CLYBL: variants seen among roughly 807,000 people sequenced by gnomAD.
CLYBL encodes the protein citramalyl-CoA lyase, mitochondrial.
In CLYBL, 31 loss-of-function variants were observed where a neutral mutation model predicts 38.9. The observed-to-expected ratio is 0.80, with a 90% CI of 0.60 to 1.08. The LOEUF is 1.08. Ranked by LOEUF, CLYBL falls within the 50% of genes least tolerant of loss-of-function variation. CLYBL has a pLI of 0.00. For missense variants in CLYBL, 434 were observed against 411.6 expected (o/e 1.05, Z -0.47); for synonymous variants, 171 against 158.6 (o/e 1.08, Z -0.59).
intron 3 of CLYBL, among the ~76,000 whole-genome samples, chr13:99,860,660 A>G (rs751380943): frequency 5.3e-5 from 8 of 152,244 alleles, no homozygotes; most frequent in Non-Finnish European, 8.8e-5. Flanking sequence ...GCCTTCCGCT[A>G]TGGCTTCTGT....
chr13:99,718,558 G>T (rs1040002762), intron 1 of CLYBL, among the ~76,000 whole-genome samples: 1 of 152,022 alleles, frequency 6.6e-6, no homozygotes, highest in Non-Finnish European at 1.5e-5. Flanking sequence ...TCCTGGACTC[G>T]TGTCTATGAG....
chr13:99,729,587 T>C (rs1277410927), intron 1 of CLYBL, among the ~76,000 whole-genome samples: 1 of 152,046 alleles, frequency 6.6e-6, no homozygotes, highest in Non-Finnish European at 1.5e-5. Context: ...TCATCACTGC[T>C]CTCCACCCTC....
At chr13:99,640,311 G>T (rs2047075339) in intron 1 of CLYBL, among the ~76,000 whole-genome samples, 1 of 152,028 alleles carries the variant, frequency 6.6e-6, no homozygotes, top group Non-Finnish European at 1.5e-5. Flanking sequence ...TTTCACTATG[G>T]TTTTTTATGT....
At chr13:99,730,203 C>A (rs906417325) in intron 1 of CLYBL, among the ~76,000 whole-genome samples, 1 of 152,250 alleles carries the variant, frequency 6.6e-6, no homozygotes, top group Non-Finnish European at 1.5e-5. Context: ...AGGAAACCAG[C>A]CTCTTGGTTA....
intron 2 of CLYBL, among the ~76,000 whole-genome samples, chr13:99,833,683 CTTTTTTTTTTTTTTTT>C (rs35378080): frequency 1.8e-5 from 1 of 56,114 alleles, no homozygotes; most frequent in African/African-American, 7.6e-5. Flanking sequence ...TACCGTGTTG[CTTTTTTTTTTTTTTTT>C]TTTTTTTTTT....
chr13:99,722,731 G>C (rs1293298010), intron 1 of CLYBL, among the ~76,000 whole-genome samples: 6 of 152,234 alleles, frequency 3.9e-5, no homozygotes, highest in Non-Finnish European at 5.9e-5. Flanking sequence ...AATGAAAAGA[G>C]AATAGGGCTT....
intron 2 of CLYBL, among the ~76,000 whole-genome samples, chr13:99,833,021 T>C (rs1594210242): frequency 2.5e-5 from 1 of 39,800 alleles, no homozygotes; most frequent in East Asian, 1.5e-3. Flanking sequence ...TATATATATA[T>C]ATATATATAT....
chr13:99,860,965 C>T (rs556495001), intron 3 of CLYBL, among the ~76,000 whole-genome samples: 58 of 152,276 alleles, frequency 3.8e-4, no homozygotes, highest in African/African-American at 1.1e-3. Flanking sequence ...CCACAAATCC[C>T]GAACAGTGTG....
chr13:99,804,103 C>T (rs1490238395), intron 2 of CLYBL, among the ~76,000 whole-genome samples: 1 of 152,200 alleles, frequency 6.6e-6, no homozygotes, highest in Non-Finnish European at 1.5e-5. Flanking sequence ...GGACAGACCC[C>T]ATCAACAAAG....
chr13:99,780,825 T>C (rs1445724485), intron 2 of CLYBL, among the ~76,000 whole-genome samples: 2 of 150,508 alleles, frequency 1.3e-5, no homozygotes, highest in Non-Finnish European at 3.0e-5. Context: ...GCGATTCTCC[T>C]GCCTCAGCCT....
intron 1 of CLYBL, among the ~76,000 whole-genome samples, chr13:99,767,825 A>G (rs1292167385): frequency 6.6e-6 from 1 of 152,002 alleles, no homozygotes; most frequent in Non-Finnish European, 1.5e-5. Context: ...CTTTACTGGT[A>G]TTTCCATTTT....
intron 1 of CLYBL, among the ~76,000 whole-genome samples, chr13:99,672,684 C>T (rs1350869936): frequency 6.6e-6 from 1 of 151,740 alleles, no homozygotes; most frequent in Non-Finnish European, 1.5e-5. Context: ...GTGTGAGGAT[C>T]ACTTGAGCCC....
chr13:99,810,961 GA>G (rs1358600026), intron 2 of CLYBL, among the ~76,000 whole-genome samples: 2 of 152,126 alleles, frequency 1.3e-5, no homozygotes, highest in Non-Finnish European at 2.9e-5. Flanking sequence ...CAAAGAAACA[GA>G]AGCCTACAAT....
intron 1 of CLYBL, among the ~76,000 whole-genome samples, chr13:99,716,725 G>T (rs1401073127): frequency 6.8e-6 from 1 of 147,290 alleles, no homozygotes; most frequent in African/African-American, 2.5e-5. Flanking sequence ...GCTTTTTTCA[G>T]AAATGAATTG....
At chr13:99,734,585 C>T (rs931381148) in intron 1 of CLYBL, among the ~76,000 whole-genome samples, 20 of 152,136 alleles carry the variant, frequency 1.3e-4, no homozygotes, top group Admixed American at 5.9e-4. Context: ...ATACACGGGG[C>T]TGGGATTTGA....
Position 99,858,859 on chromosome 13 carries a change from A to G in CLYBL, c.250-2A>G, listed in dbSNP as rs778860655. 5 of 1,591,806 alleles carry G rather than the reference A, an allele frequency of 3.1e-6. No individual in the cohort carries two copies. The African/African-American group carries it at 5.4e-5, about 17-fold the overall frequency. ...CAATAAACTTTTTATTGACACTTAC[A>G]GAATGAAGCTCGACTGAGAATTGTA... On this transcript the variant is annotated splice_acceptor_variant, in intron 2 of 8. Coordinates refer to ENST00000339105, the MANE Select transcript of CLYBL (RefSeq NM_206808.5). LOFTEE classifies it high-confidence loss of function.
At chr13:99,628,971 C>T (rs540414602) in intron 1 of CLYBL, among the ~76,000 whole-genome samples, 5 of 152,294 alleles carry the variant, frequency 3.3e-5, no homozygotes, top group African/African-American at 7.2e-5. Flanking sequence ...TGGTAAGTGT[C>T]GCAGCTAATG....
chr13:99,731,349 A>AG (rs1192559041), intron 1 of CLYBL, among the ~76,000 whole-genome samples: 2 of 151,040 alleles, frequency 1.3e-5, no homozygotes, highest in Non-Finnish European at 3.0e-5. Context: ...AAAAAAAAAA[A>AG]GCGGCTGAGC....
chr13:99,703,113 G>A (rs2048093892), intron 1 of CLYBL, among the ~76,000 whole-genome samples: 1 of 152,154 alleles, frequency 6.6e-6, no homozygotes, highest in South Asian at 2.1e-4. Context: ...ATGCAAACAG[G>A]ACTAGCTCTG....
Sources: gnomAD v4.1 joint callset for allele counts (sites outside exome capture counted in the v4.1 genomes callset) on GRCh38, gnomAD v4.1.1 for gene constraint, MANE v1.5 for transcripts, NCBI Gene and HGNC (gene_info 2026-07-23, HGNC 2026-07-21) for gene names.